COL25A1: variants seen among roughly 807,000 people sequenced by gnomAD.
COL25A1 encodes collagen type XXV alpha 1 chain.
Under a neutral mutation model 128.4 loss-of-function variants are expected in COL25A1, and 103 were observed. The ratio of observed to expected loss-of-function variants is 0.80; its 90% CI spans 0.68 to 0.94. COL25A1 has a LOEUF of 0.94. COL25A1 is among the 40% of genes least tolerant of loss of function. COL25A1 has a pLI of 0.00. For missense variants in COL25A1, 745 were observed against 840.0 expected (o/e 0.89, Z 1.40); for synonymous variants, 279 against 277.2 (o/e 1.01, Z -0.06).
intron 3 of COL25A1, among the ~76,000 whole-genome samples, chr4:109,247,295 A>G (rs1780333787): frequency 6.6e-6 from 1 of 152,072 alleles, no homozygotes; most frequent in Admixed American, 6.6e-5. Flanking sequence ...GTTTGCAGTG[A>G]GCAGAGATCG....
intron 3 of COL25A1, among the ~76,000 whole-genome samples, chr4:109,119,094 A>G (rs1767878100): frequency 6.6e-6 from 1 of 152,058 alleles, no homozygotes; most frequent in Non-Finnish European, 1.5e-5. Flanking sequence ...ATTAAACAAT[A>G]TACTTCTAAA....
chr4:108,818,133 C>T lies in COL25A1; in HGVS notation c.1924-698G>A, dbSNP rs117700825. Among the ~76,000 whole-genome samples the T allele has an allele frequency of 1.1e-3, 164 of 152,170 alleles. 2 individuals carry two copies. In the East Asian group the frequency reaches 0.026, roughly 25 times the overall value. Reference sequence around the variant, plus strand: ...GTATGCATTCTTCAGATACAAATGACACAAATAACGCAGGAAGAGTTGGTA... The same window carrying T: ...GTATGCATTCTTCAGATACAAATGATACAAATAACGCAGGAAGAGTTGGTA... On this transcript the variant is annotated intron_variant, in intron 36 of 37. Coordinates refer to ENST00000399132, the MANE Select transcript of COL25A1 (RefSeq NM_198721.4).
intron 35 of COL25A1, chr4:108,823,875 AT>A (rs199515292): frequency 5.8e-5 from 78 of 1,345,554 alleles, no homozygotes; most frequent in Admixed American, 2.9e-4. Context: ...TTTTAAAATG[AT>A]TTTTTTTTCA....
At chr4:108,903,085 G>A (rs1021642752) in intron 13 of COL25A1, among the ~76,000 whole-genome samples, 6 of 151,858 alleles carry the variant, frequency 4.0e-5, no homozygotes, top group Non-Finnish European at 5.9e-5. Context: ...TTAAGCCCCT[G>A]GAACCGGACA....
At chr4:108,963,425 A>AT (rs1045233770) in intron 8 of COL25A1, among the ~76,000 whole-genome samples, 12 of 151,920 alleles carry the variant, frequency 7.9e-5, no homozygotes, top group Non-Finnish European at 1.5e-4. Flanking sequence ...TATAAATTGG[A>AT]TTTTTTTTGT....
intron 5 of COL25A1, among the ~76,000 whole-genome samples, chr4:109,011,720 C>G (rs1756609135): frequency 6.6e-6 from 1 of 152,152 alleles, no homozygotes; most frequent in Admixed American, 6.5e-5. Flanking sequence ...CATTTTCTAC[C>G]AGGTCACTCT....
intron 12 of COL25A1, among the ~76,000 whole-genome samples, chr4:108,918,757 AC>A (rs977755326): frequency 6.6e-6 from 1 of 152,250 alleles, no homozygotes; most frequent in Non-Finnish European, 1.5e-5. Flanking sequence ...TTCCAGAGTG[AC>A]TCAAAAAGTT....
intron 20 of COL25A1, among the ~76,000 whole-genome samples, chr4:108,865,344 C>G (rs567905534): frequency 1.3e-5 from 2 of 151,976 alleles, no homozygotes; most frequent in African/African-American, 4.8e-5. Flanking sequence ...CTTTGGGAAG[C>G]CTTTGTGGTT....
intron 3 of COL25A1, among the ~76,000 whole-genome samples, chr4:109,244,009 C>G (rs1385439206): frequency 1.3e-5 from 2 of 151,778 alleles, no homozygotes; most frequent in African/African-American, 4.8e-5. Context: ...TTCTTTTCTA[C>G]ATAGAGGATT....
chr4:109,236,339 C>T lies in COL25A1; in HGVS notation c.367+64244G>A, dbSNP rs2126225824. On this transcript the variant is annotated intron_variant, in intron 3 of 37. Coordinates refer to ENST00000399132, the MANE Select transcript of COL25A1 (RefSeq NM_198721.4). ...AGATATAAGAAACCAAGATTTGTTTCCTCTAAATAAGAGCTATTTTGAATT... is the reference window on the plus strand; with the variant it reads ...AGATATAAGAAACCAAGATTTGTTTTCTCTAAATAAGAGCTATTTTGAATT... 2.6e-5 allele frequency among the ~76,000 whole-genome samples: 4 copies of T among 152,140 alleles called. 1 individual carries two copies. In the South Asian group the frequency reaches 8.3e-4, roughly 32 times the overall value.
At chr4:109,104,040 T>C (rs1766162163) in intron 3 of COL25A1, among the ~76,000 whole-genome samples, 1 of 152,134 alleles carries the variant, frequency 6.6e-6, no homozygotes, top group South Asian at 2.1e-4. Context: ...TATAGAAATA[T>C]TCCAACTACA....
chr4:109,279,782 T>G (rs1171808897), intron 3 of COL25A1, among the ~76,000 whole-genome samples: 1 of 152,218 alleles, frequency 6.6e-6, no homozygotes, highest in Non-Finnish European at 1.5e-5. Context: ...GTGTGAACAT[T>G]TGCCCTTTAT....
chr4:108,890,687 A>T (rs1257200190), intron 16 of COL25A1, among the ~76,000 whole-genome samples: 1 of 152,202 alleles, frequency 6.6e-6, no homozygotes, highest in Non-Finnish European at 1.5e-5. Flanking sequence ...CACAGGAGGG[A>T]GGCACATATT....
intron 5 of COL25A1, among the ~76,000 whole-genome samples, chr4:109,027,180 GT>G (rs1206982065): frequency 1.3e-5 from 2 of 152,218 alleles, no homozygotes; most frequent in African/African-American, 4.8e-5. Context: ...TATGAATAAT[GT>G]GGCAGACAGC....
intron 6 of COL25A1, among the ~76,000 whole-genome samples, chr4:109,007,242 A>G (rs993259347): frequency 5.3e-5 from 8 of 152,214 alleles, no homozygotes; most frequent in African/African-American, 1.9e-4. Flanking sequence ...GATGGATAGG[A>G]GCCTATATAA....
intron 3 of COL25A1, among the ~76,000 whole-genome samples, chr4:109,105,089 G>A (rs1209713796): frequency 1.3e-5 from 2 of 152,170 alleles, no homozygotes; most frequent in Non-Finnish European, 2.9e-5. Flanking sequence ...GGTGCCTTAT[G>A]CTGATCACTG....
intron 3 of COL25A1, among the ~76,000 whole-genome samples, chr4:109,276,256 C>CA (rs1722830413): frequency 2.0e-5 from 3 of 151,742 alleles, no homozygotes; most frequent in South Asian, 4.2e-4. Flanking sequence ...ACTAAAACTA[C>CA]AAAAAATTAG....
chr4:109,244,264 C>T (rs1160480256), intron 3 of COL25A1, among the ~76,000 whole-genome samples: 1 of 151,960 alleles, frequency 6.6e-6, no homozygotes, highest in African/African-American at 2.4e-5. Context: ...AGTGTCTACA[C>T]TGTGAATTAT....
chr4:108,963,485 T>A (rs1355455844), intron 8 of COL25A1, among the ~76,000 whole-genome samples: 1 of 152,140 alleles, frequency 6.6e-6, no homozygotes, highest in African/African-American at 2.4e-5. Flanking sequence ...TTACATTCTC[T>A]ATATAATATT....
Sources: gnomAD v4.1 joint callset for allele counts (sites outside exome capture counted in the v4.1 genomes callset) on GRCh38, gnomAD v4.1.1 for gene constraint, MANE v1.5 for transcripts, NCBI Gene and HGNC (gene_info 2026-07-23, HGNC 2026-07-21) for gene names.